The following EYA3 variants were observed in gnomAD, a reference collection of about 807,000 sequenced individuals.
EYA3 encodes EYA transcriptional coactivator and phosphatase 3, also known as protein phosphatase EYA3.
Under a neutral mutation model 80.0 loss-of-function variants are expected in EYA3, and 39 were observed. The observed-to-expected ratio is 0.49, with a 90% CI of 0.38 to 0.64. EYA3 has a LOEUF of 0.64. Among genes scored for constraint, EYA3 ranks in the 30% least tolerant of loss-of-function variants. The probability of loss-of-function intolerance (pLI) is 0.00; values close to 1 mark genes in which losing one functional copy is unlikely to be tolerated. For synonymous variants in EYA3, 206 were observed against 232.8 expected (o/e 0.88, Z 1.05); for missense variants, 523 against 676.1 (o/e 0.77, Z 2.51).
chr1:28,023,547 G>A lies in EYA3; in HGVS notation c.499+4242C>T, dbSNP rs1447753641. ...CCTCCTTAAAATCCATAACCCCAGCGTAATAATGAGAAAAACATCAGATAA... is the reference window on the plus strand; with the variant it reads ...CCTCCTTAAAATCCATAACCCCAGCATAATAATGAGAAAAACATCAGATAA... On this transcript the variant is annotated intron_variant, in intron 7 of 17. Transcript: ENST00000373871. Among the ~76,000 whole-genome samples, 7 of 152,124 alleles carry A rather than the reference G, an allele frequency of 4.6e-5. No individual in the cohort carries two copies. The East Asian group carries it at 7.7e-4, about 17-fold the overall frequency.
chr1:28,019,275 C>A lies in EYA3; in HGVS notation c.500-2036G>T, dbSNP rs376929337. 3.0e-4 allele frequency among the ~76,000 whole-genome samples: 46 copies of A among 152,310 alleles called. 2 individuals are homozygous for A. The South Asian group carries it at 9.5e-3, about 32-fold the overall frequency. On this transcript the variant is annotated intron_variant, in intron 7 of 17. Transcript: ENST00000373871. ...TTTGCTTCAGGGGAACTAAAGGACT[C>A]TTAAGGGCTTACTTTCCTAAACATA...
At chr1:28,061,189 C>T (rs1003626430) in intron 1 of EYA3, among the ~76,000 whole-genome samples, 1 of 152,216 alleles carries the variant, frequency 6.6e-6, no homozygotes, top group Non-Finnish European at 1.5e-5. Flanking sequence ...AGTTTGCAAA[C>T]ATACATTCTG....
At chr1:28,010,347 C>T (rs757532519) in intron 10 of EYA3, among the ~76,000 whole-genome samples, 1 of 152,114 alleles carries the variant, frequency 6.6e-6, no homozygotes, top group Non-Finnish European at 1.5e-5. Context: ...GATCTGTTTG[C>T]GCCTTACAGA....
intron 7 of EYA3, among the ~76,000 whole-genome samples, chr1:28,025,173 G>A (rs759708323): frequency 1.5e-4 from 23 of 152,220 alleles, no homozygotes; most frequent in Middle Eastern, 3.4e-3. Context: ...TAATACCCAC[G>A]TTTCATTTTA....
intron 1 of EYA3, among the ~76,000 whole-genome samples, chr1:28,080,433 G>C (rs1211808691): frequency 6.6e-6 from 1 of 152,078 alleles, no homozygotes. Context: ...CTTCAGCCCA[G>C]GTGATACAGG....
Position 28,027,943 on chromosome 1 carries a change from G to A in EYA3, c.362-17C>T, listed in dbSNP as rs754871267. ...ACAATGCACCTGAATCAGATAAATT[G>A]GACCAATTACAAACAATACACTGGG... On this transcript the variant is annotated splice_polypyrimidine_tract_variant and intron_variant, in intron 6 of 17. Coordinates refer to ENST00000373871, the MANE Select transcript of EYA3 (RefSeq NM_001990.4). 8 of 1,613,794 alleles carry A rather than the reference G, an allele frequency of 5.0e-6. No homozygotes were observed. The highest frequency in any genetic ancestry group is 4.5e-5 in the East Asian group (2 of 44,868).
At position 28,049,297 on chromosome 1, in the gene EYA3, C is replaced by T. The variant is rs1004173597; in HGVS notation, c.34-871G>A. Among the ~76,000 whole-genome samples, 6 of 152,116 alleles carry T rather than the reference C, an allele frequency of 3.9e-5. No individual in the cohort carries two copies. The South Asian group carries it at 1.2e-3, about 32-fold the overall frequency. ...TATACTCCTCATGAGAATACACAACCATGACCAGACATTCTTGGTTCCTTG... is the reference window on the plus strand; with the variant it reads ...TATACTCCTCATGAGAATACACAACTATGACCAGACATTCTTGGTTCCTTG... On this transcript the variant is annotated intron_variant, in intron 2 of 17. Coordinates refer to ENST00000373871, the MANE Select transcript of EYA3 (RefSeq NM_001990.4).
At chr1:27,995,651 G>T (rs1640403649) in intron 13 of EYA3, among the ~76,000 whole-genome samples, 1 of 151,822 alleles carries the variant, frequency 6.6e-6, no homozygotes, top group African/African-American at 2.4e-5. Flanking sequence ...TGGGAGGATT[G>T]CTTGAGGGAG....
chr1:28,029,344 T>G (rs1642978706), intron 6 of EYA3, among the ~76,000 whole-genome samples: 1 of 152,204 alleles, frequency 6.6e-6, no homozygotes, highest in Non-Finnish European at 1.5e-5. Flanking sequence ...AATTGTTTAG[T>G]ACTAAATATA....
intron 5 of EYA3, 82 bp downstream of exon 5, chr1:28,038,756 AT>A: frequency 1.3e-6 from 1 of 752,132 alleles, no homozygotes. Context: ...AATATCTATT[AT>A]TTTAGAGGAA....
rs542100328 is a variant in EYA3 at position 28,079,189 on chromosome 1, A to C, written c.-69+9335T>G. ...GTGTTAAGAGCAGGTAGTGGTATAA[A>C]AATAGTAGAGTATGTCTGCTGACCC... On this transcript the variant is annotated intron_variant, in intron 1 of 17. Coordinates refer to ENST00000373871, the MANE Select transcript of EYA3 (RefSeq NM_001990.4). 2.6e-5 allele frequency among the ~76,000 whole-genome samples: 4 copies of C among 152,348 alleles called. No individual in the cohort carries two copies. In the South Asian group the frequency reaches 6.2e-4, roughly 24 times the overall value.
chr1:27,986,965 G>A (rs1026824605), intron 16 of EYA3, among the ~76,000 whole-genome samples: 1 of 152,156 alleles, frequency 6.6e-6, no homozygotes, highest in Non-Finnish European at 1.5e-5. Flanking sequence ...GCCTCCCAAA[G>A]TGCTGGGATT....
intron 1 of EYA3, among the ~76,000 whole-genome samples, chr1:28,063,323 T>G (rs1644707563): frequency 6.7e-6 from 1 of 148,594 alleles, no homozygotes; most frequent in South Asian, 2.1e-4. Context: ...TTATTTTTAA[T>G]TTTTTTTGGG....
At chr1:28,024,593 G>T (rs1426395700) in intron 7 of EYA3, among the ~76,000 whole-genome samples, 1 of 151,770 alleles carries the variant, frequency 6.6e-6, no homozygotes, top group Non-Finnish European at 1.5e-5. Context: ...GGAGGCAAAG[G>T]TTGTAGTGAG....
intron 3 of EYA3, among the ~76,000 whole-genome samples, chr1:28,045,198 T>C (rs111908974): frequency 6.6e-6 from 1 of 152,238 alleles, no homozygotes; most frequent in African/African-American, 2.4e-5. Context: ...TAGAACTTAA[T>C]GTACTAAGAT....
intron 7 of EYA3, among the ~76,000 whole-genome samples, chr1:28,022,560 A>C (rs1476507858): frequency 1.3e-5 from 2 of 152,206 alleles, no homozygotes; most frequent in African/African-American, 4.8e-5. Flanking sequence ...ATTCATGTTT[A>C]ACTCAACACA....
At chr1:27,997,088 T>C (rs187576561) in intron 13 of EYA3, among the ~76,000 whole-genome samples, 4 of 152,354 alleles carry the variant, frequency 2.6e-5, no homozygotes, top group African/African-American at 9.6e-5. Context: ...GTGTTGGCAC[T>C]ACCCACTCCC....
At chr1:28,011,244 A>G (rs1641677008) in intron 9 of EYA3, among the ~76,000 whole-genome samples, 158 bp from the exon 10 acceptor site, 1 of 152,232 alleles carries the variant, frequency 6.6e-6, no homozygotes, top group Non-Finnish European at 1.5e-5. Context: ...GTGTACATCT[A>G]GGCATTGAGC....
At position 27,976,711 on chromosome 1, in the gene EYA3, G is replaced by T. The variant is rs556222377; in HGVS notation, c.1641+1663C>A. ...TAAAGTGCTAAGGCATTTTCCAATTGGTATATACTTTGTTTGTTTTTTTTG... is the reference window on the plus strand; with the variant it reads ...TAAAGTGCTAAGGCATTTTCCAATTTGTATATACTTTGTTTGTTTTTTTTG... On this transcript the variant is annotated intron_variant, in intron 17 of 17. Transcript: ENST00000373871. Among the ~76,000 whole-genome samples, 9 of 152,062 alleles carry T rather than the reference G, an allele frequency of 5.9e-5. No homozygotes were observed. The South Asian group carries it at 1.9e-3, about 32-fold the overall frequency.
Sources: gnomAD v4.1 joint callset for allele counts (sites outside exome capture counted in the v4.1 genomes callset) on GRCh38, gnomAD v4.1.1 for gene constraint, MANE v1.5 for transcripts, NCBI Gene and HGNC (gene_info 2026-07-23, HGNC 2026-07-21) for gene names.